Variants in AMMECR1 observed in about 807,000 individuals in gnomAD.
The protein encoded by AMMECR1 is nuclear protein AMMECR1.
A neutral mutation model predicts 22.5 loss-of-function variants in AMMECR1; 3 were observed. The observed-to-expected ratio is 0.13, with a 90% CI of 0.06 to 0.35. AMMECR1 has a LOEUF of 0.35. AMMECR1 is among the 10% of genes least tolerant of loss of function. The pLI is 1.00. For missense variants in AMMECR1, 235 were observed against 278.7 expected (o/e 0.84, Z 1.12); for synonymous variants, 130 against 116.7 (o/e 1.11, Z -0.74).
intron 2 of AMMECR1, among the ~76,000 whole-genome samples, chrX:110,412,552 G>T (rs1466314845): frequency 8.9e-6 from 1 of 111,887 alleles, no homozygotes; most frequent in Admixed American, 9.5e-5. Context: ...TCTGTAAAAT[G>T]GGAAAAGTAA....
At chrX:110,423,761 C>T (rs1231142034) in intron 2 of AMMECR1, among the ~76,000 whole-genome samples, 5 of 112,301 alleles carry the variant, frequency 4.5e-5, no homozygotes, top group African/African-American at 6.5e-5. Flanking sequence ...GAAATAGCAG[C>T]TTCTCTCTAT....
chrX:110,405,824 C>G (rs1299375151), intron 2 of AMMECR1, among the ~76,000 whole-genome samples: 1 of 111,840 alleles, frequency 8.9e-6, no homozygotes, highest in Non-Finnish European at 1.9e-5. Flanking sequence ...CGCAGATCCA[C>G]CTGACACCAA....
intron 2 of AMMECR1, among the ~76,000 whole-genome samples, chrX:110,415,523 A>G (rs949209618): frequency 9.0e-6 from 1 of 111,515 alleles, no homozygotes; most frequent in Non-Finnish European, 1.9e-5. Flanking sequence ...CCATGGAGGA[A>G]TCGACAACCA....
chrX:110,253,386 GC>G (rs1168392187), intron 2 of AMMECR1, among the ~76,000 whole-genome samples: 1 of 112,254 alleles, frequency 8.9e-6, no homozygotes, highest in Non-Finnish European at 1.9e-5. Flanking sequence ...TAAATGTGCT[GC>G]TCTGGGCAAT....
chrX:110,200,184 C>T (rs2067390177), intron 5 of AMMECR1, among the ~76,000 whole-genome samples: 1 of 111,139 alleles, frequency 9.0e-6, no homozygotes, highest in Admixed American at 9.6e-5. Context: ...ATCTGTTATC[C>T]CCCTCCCACC....
intron 2 of AMMECR1, among the ~76,000 whole-genome samples, chrX:110,425,711 A>C (rs1169599578): frequency 8.9e-6 from 1 of 112,221 alleles, no homozygotes; most frequent in Non-Finnish European, 1.9e-5. Context: ...CCCCCACGTT[A>C]CAGAGCAGGC....
chrX:110,246,644 G>A (rs752198814), intron 2 of AMMECR1, among the ~76,000 whole-genome samples: 2 of 112,197 alleles, frequency 1.8e-5, no homozygotes, highest in Non-Finnish European at 3.8e-5. Context: ...AAGTAGGAAA[G>A]ACAATCATGT....
intron 2 of AMMECR1, among the ~76,000 whole-genome samples, chrX:110,232,491 G>A (rs1422622393): frequency 5.4e-5 from 6 of 111,555 alleles, no homozygotes; most frequent in Admixed American, 9.5e-5. Context: ...ACAACGTACC[G>A]GAATCTCTGG....
intron 2 of AMMECR1, 33 bp downstream of exon 2, chrX:110,264,456 G>T (rs796371267): frequency 1.4e-5 from 12 of 843,396 alleles, no homozygotes; most frequent in Admixed American, 5.9e-5. Context: ...TTTTTTTAAT[G>T]TAAAAGCAGA....
chrX:110,264,572 A>G lies in AMMECR1; in HGVS notation c.501T>C (p.Gly167=). 8.3e-7 allele frequency: 1 copy of G among 1,204,009 alleles called. No homozygotes were observed. The highest frequency in any genetic ancestry group is 3.0e-5 in the East Asian group (1 of 33,668). ...TGCATCCACGTAATCTTTTGTCTCG[A>G]CCAATCTTCCATGTTACAAACAGTG... The part of the protein sequence containing the change: ...PYPLFVTWKI[G]RDKRLRGCIG... The change falls in exon 2 of 6, where the codon GGT becomes GGC. Residue 167 remains glycine (G), a synonymous_variant. Transcript: ENST00000262844.
Position 110,306,063 on chromosome X carries a change from C to T in AMMECR1, c.473+11536G>A, listed in dbSNP as rs748296787. On this transcript the variant is annotated intron_variant, in intron 1 of 5. Transcript: ENST00000262844. ...TTGGGAGGCCGAGGCAGGCGGATCA[C>T]GAGGTCAGGAGATCGAGACCATCCT... Among the ~76,000 whole-genome samples, 405 of 110,929 alleles carry T rather than the reference C, an allele frequency of 3.7e-3. 2 individuals are homozygous for T. Among genetic ancestry groups the T allele is most frequent in the African/African-American group, 0.013 (389 of 30,403 alleles).
chrX:110,369,400 T>G (rs961981356), intron 2 of AMMECR1, among the ~76,000 whole-genome samples: 1 of 111,718 alleles, frequency 9.0e-6, no homozygotes, highest in Admixed American at 9.5e-5. Context: ...ATACATAACA[T>G]TTTTTGAATA....
rs148432067 is a variant in AMMECR1 at position 110,421,549 on chromosome X, C to T, written c.-148+5109G>A. 4.5e-3 allele frequency among the ~76,000 whole-genome samples: 509 copies of T among 112,549 alleles called. 2 individuals are homozygous for T. Among genetic ancestry groups the T allele is most frequent in the African/African-American group, 0.015 (455 of 31,003 alleles). ...AGCAGGGGTCTCTGCTAATGAAATT[C>T]GAGCATATTTGCATTTATCGACAGG... On this transcript the variant is annotated intron_variant, in intron 2 of 7. Transcript: ENST00000372057.
intron 2 of AMMECR1, among the ~76,000 whole-genome samples, chrX:110,340,687 C>T (rs1230447287): frequency 8.9e-6 from 1 of 112,278 alleles, no homozygotes; most frequent in African/African-American, 3.2e-5. Context: ...TATGGAAAAG[C>T]ATCTGGCACA....
chrX:110,236,720 A>C (rs991307872), intron 2 of AMMECR1, among the ~76,000 whole-genome samples: 1 of 112,439 alleles, frequency 8.9e-6, no homozygotes, highest in African/African-American at 3.2e-5. Flanking sequence ...TATAACAAAT[A>C]TTAAATGGCA....
intron 2 of AMMECR1, among the ~76,000 whole-genome samples, chrX:110,228,711 C>G (rs916322819): frequency 1.8e-5 from 2 of 110,672 alleles, no homozygotes; most frequent in African/African-American, 6.6e-5. Context: ...AGCGGAGCAC[C>G]AACACTATGT....
chrX:110,306,454 A>AT (rs777004674), intron 1 of AMMECR1, among the ~76,000 whole-genome samples: 1 of 110,154 alleles, frequency 9.1e-6, no homozygotes, highest in African/African-American at 3.3e-5. Context: ...TGGTACTTTT[A>AT]TTTTTTTTAT....
intron 2 of AMMECR1, among the ~76,000 whole-genome samples, chrX:110,235,407 G>A (rs1318744165): frequency 8.9e-6 from 1 of 112,573 alleles, no homozygotes; most frequent in Non-Finnish European, 1.9e-5. Flanking sequence ...TTCAACCATT[G>A]TGGAAGACAG....
At chrX:110,287,528 T>C (rs1353383557) in intron 1 of AMMECR1, among the ~76,000 whole-genome samples, 12 of 111,656 alleles carry the variant, frequency 1.1e-4, no homozygotes, top group Non-Finnish European at 1.9e-5. Flanking sequence ...TTCCTGAGTA[T>C]CACCATTCTG....
Sources: allele counts gnomAD v4.1 joint callset (sites outside exome capture counted in the v4.1 genomes callset), GRCh38; gene constraint gnomAD v4.1.1; transcripts MANE v1.5; gene names NCBI Gene and HGNC (gene_info 2026-07-23, HGNC 2026-07-21).